THSD7B: variants seen among roughly 807,000 people sequenced by gnomAD.
THSD7B encodes thrombospondin type 1 domain containing 7B, also known as thrombospondin type-1 domain-containing protein 7B.
THSD7B carries 138 observed loss-of-function variants against 213.6 expected under a neutral mutation model. That is an observed-to-expected ratio of 0.65 (90% CI 0.56 to 0.74). The LOEUF (loss-of-function observed/expected upper bound fraction) is 0.74. Among genes scored for constraint, THSD7B ranks in the 30% least tolerant of loss-of-function variants. THSD7B has a pLI of 0.00. For missense variants in THSD7B, 1,931 were observed against 1,991.5 expected, an observed-to-expected ratio of 0.97 and a Z score of 0.58; for synonymous variants, 742 against 687.0, an observed-to-expected ratio of 1.08 and a Z score of -1.25.
At chr2:137,012,603 G>T (rs1686251997) in intron 2 of THSD7B, among the ~76,000 whole-genome samples, 1 of 152,186 alleles carries the variant, frequency 6.6e-6, no homozygotes, top group South Asian at 2.1e-4. Flanking sequence ...TGTTCAGCAA[G>T]TTCAGTGCTC....
chr2:137,146,335 A>G (rs1229133509), intron 5 of THSD7B, among the ~76,000 whole-genome samples: 2 of 152,146 alleles, frequency 1.3e-5, no homozygotes, highest in Non-Finnish European at 2.9e-5. Flanking sequence ...ATAGCCATGG[A>G]AAAGCACAAC....
chr2:136,834,294 C>T (rs1682809962), intron 1 of THSD7B, among the ~76,000 whole-genome samples: 1 of 152,188 alleles, frequency 6.6e-6, no homozygotes, highest in South Asian at 2.1e-4. Context: ...CCATAGAACA[C>T]ACTCACAGCC....
At chr2:136,950,845 G>A (rs12473638) in intron 2 of THSD7B, among the ~76,000 whole-genome samples, 4,546 of 152,252 alleles carry the variant, frequency 0.03, 105 homozygotes, top group South Asian at 0.071. Context: ...ATGGTTGTGC[G>A]TGGCATTCTC....
intron 5 of THSD7B, among the ~76,000 whole-genome samples, chr2:137,159,475 T>C (rs550937848): frequency 2.0e-5 from 3 of 148,196 alleles, no homozygotes; most frequent in Non-Finnish European, 3.0e-5. Context: ...GAGCAAAAAA[T>C]AAAAAGAAAA....
intron 7 of THSD7B, among the ~76,000 whole-genome samples, chr2:137,195,162 T>C (rs1289550414): frequency 6.6e-6 from 1 of 152,084 alleles, no homozygotes; most frequent in Non-Finnish European, 1.5e-5. Flanking sequence ...GATTTAAACC[T>C]CTTCTAAAAA....
chr2:137,599,579 G>A (rs1235352109), intron 17 of THSD7B, among the ~76,000 whole-genome samples: 1 of 151,448 alleles, frequency 6.6e-6, no homozygotes, highest in Non-Finnish European at 1.5e-5. Context: ...TCAGTGTGGC[G>A]ATTCCTCAGG....
intron 17 of THSD7B, among the ~76,000 whole-genome samples, chr2:137,574,161 A>G (rs1303025675): frequency 6.6e-6 from 1 of 152,110 alleles, no homozygotes; most frequent in Non-Finnish European, 1.5e-5. Context: ...CTTCGCAATG[A>G]AAACATTGCC....
chr2:136,866,214 G>C (rs1683330013), intron 1 of THSD7B, among the ~76,000 whole-genome samples: 1 of 152,106 alleles, frequency 6.6e-6, no homozygotes, highest in Non-Finnish European at 1.5e-5. Flanking sequence ...CTGACTTTGT[G>C]TTTGTCCTAA....
chr2:136,935,411 T>C (rs1684705381), intron 2 of THSD7B, among the ~76,000 whole-genome samples: 1 of 152,204 alleles, frequency 6.6e-6, no homozygotes, highest in South Asian at 2.1e-4. Context: ...AGAAAGTGTT[T>C]AGCGCTTGCC....
intron 20 of THSD7B, among the ~76,000 whole-genome samples, chr2:137,626,313 A>C (rs573196255): frequency 6.6e-6 from 1 of 152,160 alleles, no homozygotes; most frequent in Non-Finnish European, 1.5e-5. Context: ...ATACAAAAAA[A>C]TTTAGCCAGG....
chr2:137,448,818 C>CA, intron 14 of THSD7B, among the ~76,000 whole-genome samples: 1 of 150,672 alleles, frequency 6.6e-6, no homozygotes, highest in African/African-American at 2.5e-5. Flanking sequence ...ACAACAACAA[C>CA]AACAACAACA....
chr2:136,833,362 T>C (rs1471972579), intron 1 of THSD7B, among the ~76,000 whole-genome samples: 1 of 3,212 alleles, frequency 3.1e-4, no homozygotes, highest in African/African-American at 5.4e-4. Context: ...AGACTCCGTC[T>C]CAAAAAAAAA....
chr2:137,656,799 A>G lies in THSD7B; in HGVS notation c.4109A>G (p.Asp1370Gly), dbSNP rs775598797. Residue 1370 changes from aspartate to glycine, a missense_variant, in exon 23 of 28, where the codon GAC (aspartate) becomes GGC (glycine). By Grantham distance (94) the Asp-to-Gly change is moderately conservative. Transcript: ENST00000409968. ...CCTGTACTGCATGACTGTCCAGGAG[A>G]CTGCCATTTAACAGAATGGTCAGAG... The part of the protein sequence containing the change: ...KQLCSVPCPG[D>G]CHLTEWSEWS... 6.2e-7 allele frequency: 1 copy of G among 1,613,562 alleles called. No individual in the cohort carries two copies. The highest frequency in any genetic ancestry group is 8.5e-7 in the Non-Finnish European group (1 of 1,179,666).
At chr2:137,520,079 A>G (rs1211394748) in intron 15 of THSD7B, among the ~76,000 whole-genome samples, 1 of 152,200 alleles carries the variant, frequency 6.6e-6, no homozygotes, top group Non-Finnish European at 1.5e-5. Context: ...TTATTGTCCA[A>G]TGCCCTTAAT....
In THSD7B at chr2:136,787,837, AG is replaced by A. The variant is rs547193366; in HGVS notation, c.-36+22151del. Among the ~76,000 whole-genome samples the A allele has an allele frequency of 2.8e-4, 13 of 45,970 alleles. 1 individual carries two copies. The South Asian group carries it at 6.3e-3, about 22-fold the overall frequency. 30.2% of individuals were successfully genotyped at this position (45,970 alleles called of 152,430 possible). On this transcript the variant is annotated intron_variant, in intron 1 of 27. Coordinates refer to ENST00000409968, the MANE Select transcript of THSD7B (RefSeq NM_001316349.2). ...GCAGAACTTTTAAGAGCCATTGTGT[AG>A]TTTCCCCTAATGCTATTTTCTCCTT...
intron 11 of THSD7B, among the ~76,000 whole-genome samples, chr2:137,275,019 G>T (rs1258992386): frequency 1.3e-5 from 2 of 151,972 alleles, no homozygotes; most frequent in African/African-American, 4.8e-5. Context: ...TATGAAAAGG[G>T]TTAAAATGTA....
chr2:136,918,228 C>G (rs1421081633), intron 2 of THSD7B, among the ~76,000 whole-genome samples: 1 of 152,112 alleles, frequency 6.6e-6, no homozygotes, highest in East Asian at 1.9e-4. Flanking sequence ...AGTGTTAGAA[C>G]TAGAACTTAG....
intron 15 of THSD7B, among the ~76,000 whole-genome samples, chr2:137,505,650 T>C (rs1472286629): frequency 1.3e-5 from 2 of 152,194 alleles, no homozygotes; most frequent in African/African-American, 4.8e-5. Flanking sequence ...GTCAGTGTTT[T>C]AAAATAAAGT....
In THSD7B at chr2:137,056,908, C is replaced by G; in HGVS notation, c.628C>G (p.Pro210Ala). Residue 210 changes from proline to alanine, a missense_variant, in exon 3 of 28, where the codon CCT becomes GCT. Physicochemically the swap from Pro to Ala is conservative, Grantham distance 27. Coordinates refer to ENST00000409968, the MANE Select transcript of THSD7B (RefSeq NM_001316349.2). Reference sequence around the variant, plus strand: ...TAGAACTCGCGCGGTCATAGCTCCCCCTCTCTTTGGTGGTTTGCAATGTCC... The same window carrying G: ...TAGAACTCGCGCGGTCATAGCTCCCGCTCTCTTTGGTGGTTTGCAATGTCC... ...QHRTRAVIAP[P>A]LFGGLQCPNL... 6.2e-7 allele frequency: 1 copy of G among 1,613,866 alleles called. No homozygotes were observed. Among genetic ancestry groups the G allele is most frequent in the East Asian group, 2.2e-5 (1 of 44,862 alleles).
Sources: allele counts gnomAD v4.1 joint callset (sites outside exome capture counted in the v4.1 genomes callset), GRCh38; gene constraint gnomAD v4.1.1; transcripts MANE v1.5; gene names NCBI Gene and HGNC (gene_info 2026-07-23, HGNC 2026-07-21).